Variants in RPL35 observed in about 807,000 individuals in gnomAD.
RPL35 encodes the protein large ribosomal subunit protein uL29.
In RPL35, 2 loss-of-function variants were observed where a neutral mutation model predicts 15.6. The ratio of observed to expected loss-of-function variants is 0.13; its 90% CI spans 0.05 to 0.40. The LOEUF is 0.40. Ranked by LOEUF, RPL35 falls within the 10% of genes least tolerant of loss-of-function variation. The pLI is 0.99. For synonymous variants in RPL35, 93 were observed against 67.9 expected (o/e 1.37, Z -1.82); for missense variants, 111 against 164.7 (o/e 0.67, Z 1.79).
At chr9:124,861,115 GC>G in intron 2 of RPL35, 1 of 365,142 alleles carries the variant, frequency 2.7e-6, no homozygotes, top group East Asian at 5.3e-5. Flanking sequence ...ACTCCAGGGT[GC>G]AAGCCACCCA....
chr9:124,861,207 G>A, intron 2 of RPL35: 1 of 596,242 alleles, frequency 1.7e-6, no homozygotes, highest in Non-Finnish European at 2.9e-6. Context: ...GCAGCATTAA[G>A]ATGGGTCTCC....
chr9:124,860,293 G>A, intron 2 of RPL35, 29 bp from the exon 3 acceptor site: 3 of 1,582,164 alleles, frequency 1.9e-6, no homozygotes, highest in Non-Finnish European at 2.6e-6. Flanking sequence ...AGTGAAGATA[G>A]GGAAGACACA....
chr9:124,859,754 G>A (rs987817535), intron 3 of RPL35, among the ~76,000 whole-genome samples: 7 of 152,170 alleles, frequency 4.6e-5, no homozygotes, highest in African/African-American at 1.7e-4. Context: ...GGTAAGGTTT[G>A]GAACCAGGGC....
In RPL35 at chr9:124,858,014, G is replaced by A. The variant is rs142837462; in HGVS notation, c.276C>T (p.Arg92=). 556 of 1,612,380 alleles carry A rather than the reference G, an allele frequency of 3.4e-4. No homozygotes were observed. The highest frequency in any genetic ancestry group is 3.9e-4 in the Non-Finnish European group (461 of 1,180,044). ...TCTCCTCGTGCTTGTTGAGCCGGCGGCGCATGGCACGTGTCTTCTTAGGCC... is the reference window on the plus strand; with the variant it reads ...TCTCCTCGTGCTTGTTGAGCCGGCGACGCATGGCACGTGTCTTCTTAGGCC... ...DLRPKKTRAM[R]RRLNKHEENL... Residue 92 remains arginine, a synonymous_variant, in exon 4 of 4, where the codon CGC becomes CGT. Transcript: ENST00000348462.
intron 2 of RPL35, chr9:124,861,200 G>C: frequency 1.7e-6 from 1 of 574,584 alleles, no homozygotes; most frequent in Non-Finnish European, 3.0e-6. Flanking sequence ...TTTGAAGGCA[G>C]CATTAAGATG....
At chr9:124,860,073 A>C in intron 3 of RPL35, 110 bp downstream of exon 3, 1 of 796,730 alleles carries the variant, frequency 1.3e-6, no homozygotes. Flanking sequence ...GGGAAGGCTA[A>C]CCACTCTCAG....
At chr9:124,859,771 T>A (rs1449047087) in intron 3 of RPL35, among the ~76,000 whole-genome samples, 1 of 152,184 alleles carries the variant, frequency 6.6e-6, no homozygotes. Flanking sequence ...GGGCCCATCA[T>A]GCCATTGACT....
At chr9:124,861,131 C>T (rs1207234846) in intron 2 of RPL35, 2 of 395,606 alleles carry the variant, frequency 5.1e-6, no homozygotes, top group African/African-American at 2.1e-5. Context: ...CACCCACCTG[C>T]CAAGGGGGTT....
intron 1 of RPL35, 98 bp downstream of exon 1, chr9:124,861,812 C>A: frequency 2.7e-6 from 4 of 1,506,508 alleles, no homozygotes; most frequent in Non-Finnish European, 3.6e-6. Context: ...CCCCACAGGC[C>A]TAGGTGGCAG....
intron 3 of RPL35, 84 bp from the exon 4 acceptor site, chr9:124,858,151 C>T: frequency 7.0e-7 from 1 of 1,420,262 alleles, no homozygotes; most frequent in South Asian, 1.3e-5. Flanking sequence ...GAGGGCCATC[C>T]AGAGCCACTC....
Position 124,861,946 on chromosome 9 carries a change from C to G in RPL35, c.-34G>C, listed in dbSNP as rs1205670152. ...AAGCCGCCAACGCCGCCGCCCGCTCCGAGGGAAAGAGGAAGTAGGCGGGGC... is the reference window on the plus strand; with the variant it reads ...AAGCCGCCAACGCCGCCGCCCGCTCGGAGGGAAAGAGGAAGTAGGCGGGGC... On this transcript the variant is annotated 5_prime_UTR_variant, in exon 1 of 4. Coordinates refer to ENST00000348462, the MANE Select transcript of RPL35 (RefSeq NM_007209.4). 1 of 1,596,688 alleles carries G rather than the reference C, an allele frequency of 6.3e-7. No homozygotes were observed. Among genetic ancestry groups the G allele is most frequent in the East Asian group, 2.3e-5 (1 of 44,030 alleles).
chr9:124,860,571 G>T (rs1435481432), intron 2 of RPL35, among the ~76,000 whole-genome samples: 1 of 152,234 alleles, frequency 6.6e-6, no homozygotes, highest in African/African-American at 2.4e-5. Flanking sequence ...GAGCTGATGG[G>T]AAGGAATCAT....
intron 3 of RPL35, among the ~76,000 whole-genome samples, chr9:124,858,928 A>G (rs189230755): frequency 1.1e-3 from 172 of 152,330 alleles, no homozygotes; most frequent in African/African-American, 3.9e-3. Flanking sequence ...AGGACTGCAG[A>G]AAGATCCTGG....
At chr9:124,861,368 T>G in intron 2 of RPL35, 51 bp downstream of exon 2, 1 of 1,575,382 alleles carries the variant, frequency 6.3e-7, no homozygotes, top group Non-Finnish European at 8.6e-7. Context: ...ACGATCCCGA[T>G]GCACACGTGC....
At chr9:124,861,721 A>C (rs997737447) in intron 1 of RPL35, 166 bp from the exon 2 acceptor site, 20 of 1,320,018 alleles carry the variant, frequency 1.5e-5, no homozygotes, top group Non-Finnish European at 1.7e-5. Flanking sequence ...TGGGCAGAGT[A>C]ACCCAGGCCC....
chr9:124,860,301 A>G (rs1385976965), intron 2 of RPL35, 37 bp from the exon 3 acceptor site: 4 of 1,521,124 alleles, frequency 2.6e-6, no homozygotes, highest in Non-Finnish European at 2.7e-6. Flanking sequence ...TAGGGAAGAC[A>G]CATAGCACTA....
In RPL35 at chr9:124,858,075, A is replaced by G; in HGVS notation, c.223-8T>C. ...GGGCTTGTACTTCTTGCCCTGGGAG[A>G]CAGACGGCAGGGTGAATCCAAGGAC... On this transcript the variant is annotated splice_region_variant and splice_polypyrimidine_tract_variant and intron_variant, in intron 3 of 3. Transcript: ENST00000348462. The G allele has an allele frequency of 1.2e-6, 2 of 1,611,428 alleles. No homozygotes were observed. Among genetic ancestry groups the G allele is most frequent in the Non-Finnish European group, 8.5e-7 (1 of 1,179,612 alleles).
chr9:124,861,582 G>C, intron 1 of RPL35, 27 bp from the exon 2 acceptor site: 1 of 1,610,904 alleles, frequency 6.2e-7, no homozygotes, highest in Non-Finnish European at 8.5e-7. Context: ...GTGTGCCTCA[G>C]CCAGGCCGCG....
Position 124,861,894 on chromosome 9 carries a change from A to C in RPL35, c.3+16T>G. ...CCTCACAGCGCTCGGATGGCGCCCG[A>C]TTCCGCAGCTCTCACCATTGCTGCA... On this transcript the variant is annotated intron_variant, in intron 1 of 3. Transcript: ENST00000348462. 1.9e-6 allele frequency: 3 copies of C among 1,603,444 alleles called. No homozygotes were observed. Among genetic ancestry groups the C allele is most frequent in the Non-Finnish European group, 1.7e-6 (2 of 1,176,044 alleles).
Sources: gnomAD v4.1 joint callset for allele counts (sites outside exome capture counted in the v4.1 genomes callset) on GRCh38, gnomAD v4.1.1 for gene constraint, MANE v1.5 for transcripts, NCBI Gene and HGNC (gene_info 2026-07-23, HGNC 2026-07-21) for gene names.